The following AFG2A variants were observed in gnomAD, a reference collection of about 807,000 sequenced individuals.
AFG2A encodes the protein ATPase family gene 2 protein homolog A.
At chr4:123,154,032 T>C in the AFG2A span, among the ~76,000 whole-genome samples, 2 of 152,124 alleles carry the variant, frequency 1.3e-5, no homozygotes, top group African/African-American at 2.4e-5. Context: ...AAAGACAAAA[T>C]TATCGGACAA....
chr4:123,039,922 C>A, the AFG2A span, among the ~76,000 whole-genome samples: 1 of 152,000 alleles, frequency 6.6e-6, no homozygotes, highest in Non-Finnish European at 1.5e-5. Context: ...TAACTTATTT[C>A]TTTGACTAGC....
the AFG2A span, among the ~76,000 whole-genome samples, chr4:122,946,406 A>T: frequency 6.6e-6 from 1 of 152,186 alleles, no homozygotes; most frequent in South Asian, 2.1e-4. Context: ...TAGTCTGAAT[A>T]TTTTTAAGGG....
At chr4:122,995,839 T>C in the AFG2A span, among the ~76,000 whole-genome samples, 1 of 152,330 alleles carries the variant, frequency 6.6e-6, no homozygotes, top group African/African-American at 2.4e-5. Context: ...TTTGCTACAG[T>C]TACATATTTT....
chr4:123,005,030 A>G, the AFG2A span, among the ~76,000 whole-genome samples: 3 of 152,106 alleles, frequency 2.0e-5, no homozygotes, highest in African/African-American at 4.8e-5. Context: ...TATATTTTTA[A>G]TATCTGTTGG....
chr4:123,044,252 C>T, the AFG2A span, among the ~76,000 whole-genome samples: 2 of 152,132 alleles, frequency 1.3e-5, no homozygotes, highest in Admixed American at 6.6e-5. Context: ...GAACCAATTG[C>T]GGTGGCTCTG....
At chr4:123,178,082 A>T in the AFG2A span, among the ~76,000 whole-genome samples, 1 of 152,236 alleles carries the variant, frequency 6.6e-6, no homozygotes, top group African/African-American at 2.4e-5. Flanking sequence ...AGGAGGAAAT[A>T]CAAGACTCTT....
At chr4:122,939,071 C>CTCT in the AFG2A span, among the ~76,000 whole-genome samples, 1 of 76,210 alleles carries the variant, frequency 1.3e-5, no homozygotes, top group Non-Finnish European at 2.4e-5. Context: ...GGGATATGTT[C>CTCT]TTTCTTTTTT....
chr4:123,122,164 T>C, the AFG2A span, among the ~76,000 whole-genome samples: 2 of 152,198 alleles, frequency 1.3e-5, no homozygotes, highest in African/African-American at 2.4e-5. Flanking sequence ...ATTTAGATAA[T>C]CAGTTATGTT....
At chr4:123,246,294 A>G in the AFG2A span, among the ~76,000 whole-genome samples, 2 of 152,168 alleles carry the variant, frequency 1.3e-5, no homozygotes, top group Non-Finnish European at 1.5e-5. Context: ...TGCCTCTGCT[A>G]TTATTCATGT....
chr4:123,192,187 CA>C, the AFG2A span, among the ~76,000 whole-genome samples: 1 of 151,998 alleles, frequency 6.6e-6, no homozygotes, highest in Non-Finnish European at 1.5e-5. Context: ...CCACCACACC[CA>C]GCTAATTTTT....
the AFG2A span, among the ~76,000 whole-genome samples, chr4:123,005,788 A>G: frequency 1.2e-4 from 18 of 152,336 alleles, no homozygotes; most frequent in African/African-American, 4.3e-4. Flanking sequence ...GTACAGTATA[A>G]GAACCTTAGA....
the AFG2A span, among the ~76,000 whole-genome samples, chr4:123,046,715 T>C: frequency 2.0e-5 from 3 of 152,070 alleles, no homozygotes; most frequent in East Asian, 1.9e-4. Flanking sequence ...GTCTCTACTG[T>C]ACTACTGAAT....
the AFG2A span, among the ~76,000 whole-genome samples, chr4:123,251,047 C>A: frequency 6.6e-6 from 1 of 152,056 alleles, no homozygotes; most frequent in Non-Finnish European, 1.5e-5. Flanking sequence ...TTATAATAAT[C>A]ATTGAAGTAT....
the AFG2A span, among the ~76,000 whole-genome samples, chr4:123,099,531 G>T: frequency 6.9e-6 from 1 of 145,516 alleles, no homozygotes; most frequent in African/African-American, 2.5e-5. Flanking sequence ...GAGCCACAGA[G>T]TTTTTTTTTT....
chr4:123,106,965 A>G, the AFG2A span, among the ~76,000 whole-genome samples: 137,931 of 152,000 alleles, frequency 0.91, 62,820 homozygotes, highest in East Asian at 0.98. Flanking sequence ...GCAGCTCCAC[A>G]CACTGATAAC....
chr4:123,142,369 A>G, the AFG2A span, among the ~76,000 whole-genome samples: 2 of 152,124 alleles, frequency 1.3e-5, no homozygotes, highest in East Asian at 3.8e-4. Flanking sequence ...TGTTTTATTC[A>G]TGGCCTAGTC....
chr4:122,998,102 CT>C, the AFG2A span, among the ~76,000 whole-genome samples: 1 of 152,002 alleles, frequency 6.6e-6, no homozygotes, highest in Non-Finnish European at 1.5e-5. Context: ...GTCTCTTTCA[CT>C]TTCTTGATAG....
At chr4:122,926,998 A>G in the AFG2A span, among the ~76,000 whole-genome samples, 5 of 152,130 alleles carry the variant, frequency 3.3e-5, no homozygotes, top group African/African-American at 1.2e-4. Flanking sequence ...ACACCTAACT[A>G]AATATGGAGC....
At chr4:123,319,102 C>T in the AFG2A span, 5 of 151,968 alleles carry the variant, frequency 3.3e-5, no homozygotes, top group African/African-American at 1.2e-4. Flanking sequence ...TAACTTATCT[C>T]GATAAATATT....
Sources: gnomAD v4.1 joint callset for allele counts (sites outside exome capture counted in the v4.1 genomes callset) on GRCh38, gnomAD v4.1.1 for gene constraint, MANE v1.5 for transcripts, NCBI Gene and HGNC (gene_info 2026-07-23, HGNC 2026-07-21) for gene names.